The following U2SURP variants were observed in gnomAD, a reference collection of about 807,000 sequenced individuals.
The protein encoded by U2SURP is U2 snRNP associated SURP domain containing, also known as U2 snRNP-associated SURP motif-containing protein.
In U2SURP, 9 loss-of-function variants were observed where a neutral mutation model predicts 144.9. The observed-to-expected ratio is 0.06, with a 90% CI of 0.04 to 0.11. The LOEUF is 0.11. Among genes scored for constraint, U2SURP ranks in the 10% least tolerant of loss-of-function variants. The probability of loss-of-function intolerance (pLI) is 1.00; values close to 1 mark genes in which losing one functional copy is unlikely to be tolerated. For missense variants in U2SURP, 724 were observed against 1,226.7 expected (o/e 0.59, Z 6.12); for synonymous variants, 408 against 396.8 (o/e 1.03, Z -0.33).
intron 6 of U2SURP, 165 bp downstream of exon 6, chr3:143,017,140 T>C (rs1936411901): frequency 1.9e-6 from 1 of 514,686 alleles, no homozygotes; most frequent in East Asian, 3.5e-5. Flanking sequence ...AGATGAGAGT[T>C]AATGAATTGG....
Position 143,033,315 on chromosome 3 carries a change from A to T in U2SURP, c.1818A>T (p.Ser606=), listed in dbSNP as rs77794774. The T allele has an allele frequency of 5.1e-3, 7,896 of 1,543,300 alleles. 369 individuals are homozygous for T. In the African/African-American group the frequency reaches 0.096, roughly 19 times the overall value. The change falls in exon 18 of 28, where the codon TCA becomes TCT. Residue 606 remains serine (S), a synonymous_variant. Transcript: ENST00000473835. ...TTTCTGATGTTTTGTACAACTCTTC[A>T]GCCAAAGTTGCTAATGCTTCATATT... ...YLVSDVLYNS[S]AKVANASYYR...
At chr3:143,027,858 T>C (rs1933246212) in intron 14 of U2SURP, among the ~76,000 whole-genome samples, 1 of 152,192 alleles carries the variant, frequency 6.6e-6, no homozygotes, top group South Asian at 2.1e-4. Flanking sequence ...AGTATTGTTT[T>C]TAGCATTCTC....
chr3:143,054,904 T>C, intron 26 of U2SURP, 39 bp from the exon 27 acceptor site: 4 of 1,524,224 alleles, frequency 2.6e-6, no homozygotes, highest in African/African-American at 2.8e-5. Flanking sequence ...CCCGATCCTT[T>C]GCTCATTTAT....
chr3:143,055,037 T>C lies in U2SURP; in HGVS notation c.2869T>C (p.Ser957Pro). 1.1e-5 allele frequency: 18 copies of C among 1,608,354 alleles called. No individual in the cohort carries two copies. Among genetic ancestry groups the C allele is most frequent in the Non-Finnish European group, 1.5e-5 (18 of 1,177,408 alleles). The change falls in exon 27 of 28, where the codon TCA becomes CCA. Residue 957 changes from serine to proline, a missense_variant. Ser to Pro is a moderately conservative substitution (Grantham distance 74). Around this residue, in one of 13 missense-constraint regions of U2SURP, gnomAD observed 129 missense variants for 196.1 expected, o/e 0.66. Transcript: ENST00000473835. The part of the protein sequence containing the change: ...PSPKSERSER[S>P]ERSHKESSRS... The stretch of plus-strand genomic sequence containing the variant: ...ACCAAAATCGGAGCGATCAGAGCGT[T>C]CAGAAAGATCTCATAAAGAGAGCTC...
At chr3:143,006,911 C>G (rs1051144018) in intron 1 of U2SURP, among the ~76,000 whole-genome samples, 2 of 152,166 alleles carry the variant, frequency 1.3e-5, no homozygotes, top group African/African-American at 4.8e-5. Context: ...GATTAGGAGA[C>G]AGATACACGA....
chr3:143,029,607 C>T (rs759688801), intron 16 of U2SURP, among the ~76,000 whole-genome samples: 1 of 152,114 alleles, frequency 6.6e-6, no homozygotes, highest in Non-Finnish European at 1.5e-5. Context: ...GAAATTAGGC[C>T]AGTTAATAAT....
In U2SURP at chr3:143,056,532, A is replaced by G; in HGVS notation, c.*82A>G. 3.3e-6 allele frequency: 5 copies of G among 1,520,712 alleles called. No individual in the cohort carries two copies. In the South Asian group the frequency reaches 6.4e-5, roughly 20 times the overall value. The allele number at this position is 1,520,712 out of a possible 1,614,324, so 94.2% of individuals were successfully genotyped here. ...CGGTCTGTTTTTTAAAAAAACAAAA[A>G]ATCAAATGAAAGAGCATTCCTGGGG... is the stretch of plus-strand genomic sequence containing the variant. On this transcript the variant is annotated 3_prime_UTR_variant, in exon 28 of 28. Coordinates refer to ENST00000473835, the MANE Select transcript of U2SURP (RefSeq NM_001080415.2).
At chr3:143,004,625 C>CA (rs1179113426) in intron 1 of U2SURP, among the ~76,000 whole-genome samples, 2 of 144,198 alleles carry the variant, frequency 1.4e-5, no homozygotes, top group Non-Finnish European at 1.5e-5. Flanking sequence ...AGGCGTGAGC[C>CA]ACCGTGCCTG....
rs1560196301 is a variant in U2SURP, at chr3:143,038,132, A to AATTC, written c.2246_2247insATTC (p.Asn750PhefsTer3). ...GTGGATGCAACTGAAGACTCAAAAA[A>AATTC]GAATGAGCCTATATTTAAAGTTGCC... On this transcript the variant is annotated frameshift_variant, in exon 22 of 28. Coordinates refer to ENST00000473835, the MANE Select transcript of U2SURP (RefSeq NM_001080415.2). LOFTEE classifies it high-confidence loss of function. The AATTC allele has an allele frequency of 6.2e-7, 1 of 1,606,598 alleles. No homozygotes were observed.
chr3:143,028,835 TGTC>T (rs1933310661), intron 16 of U2SURP, among the ~76,000 whole-genome samples, 189 bp downstream of exon 16: 1 of 152,248 alleles, frequency 6.6e-6, no homozygotes, highest in South Asian at 2.1e-4. Flanking sequence ...TGTGTCCTGT[TGTC>T]CTTGAGTTTT....
At chr3:143,016,542 A>G (rs953662284) in intron 5 of U2SURP, among the ~76,000 whole-genome samples, 171 bp downstream of exon 5, 2 of 152,174 alleles carry the variant, frequency 1.3e-5, no homozygotes, top group Non-Finnish European at 2.9e-5. Flanking sequence ...AATTAGCAAG[A>G]TAAATGGCCA....
chr3:143,039,601 T>C (rs1357817605), intron 23 of U2SURP, among the ~76,000 whole-genome samples: 1 of 15,832 alleles, frequency 6.3e-5, no homozygotes, highest in Non-Finnish European at 1.0e-4. Flanking sequence ...GGAGTTGAAT[T>C]TTTTTTTTTT....
At chr3:143,029,162 A>T (rs999287369) in intron 16 of U2SURP, among the ~76,000 whole-genome samples, 2 of 152,228 alleles carry the variant, frequency 1.3e-5, no homozygotes, top group Non-Finnish European at 2.9e-5. Context: ...AAGCAAAAAC[A>T]TACTTATTAA....
At chr3:143,047,636 T>G (rs1224491471) in intron 24 of U2SURP, among the ~76,000 whole-genome samples, 1 of 24,298 alleles carries the variant, frequency 4.1e-5, no homozygotes, top group African/African-American at 3.0e-4. Context: ...TGACCCCCCC[T>G]CCCGCCTCCC....
intron 2 of U2SURP, among the ~76,000 whole-genome samples, chr3:143,011,135 TTGACTA>T (rs1936104780): frequency 6.6e-6 from 1 of 152,150 alleles, no homozygotes; most frequent in Non-Finnish European, 1.5e-5. Flanking sequence ...TACTTATACT[TTGACTA>T]TGGGATTGCA....
At chr3:143,026,349 C>T (rs777310248) in intron 13 of U2SURP, 4 of 152,054 alleles carry the variant, frequency 2.6e-5, no homozygotes, top group Non-Finnish European at 4.4e-5. Context: ...GGCATCTCAC[C>T]GTGTACCCCA....
At chr3:143,051,472 G>T (rs1053950) in intron 25 of U2SURP, among the ~76,000 whole-genome samples, 102,461 of 151,712 alleles carry the variant, frequency 0.68, 34,796 homozygotes, top group African/African-American at 0.75. Context: ...GACAGCAAGT[G>T]GTAGAATACC....
Position 143,043,127 on chromosome 3 carries a change from G to A in U2SURP, c.2395G>A (p.Glu799Lys). The change falls in exon 24 of 28, where the codon GAA becomes AAA. Residue 799 changes from glutamate (E) to lysine (K), a missense_variant. By Grantham distance (56) the Glu-to-Lys change is moderately conservative. Transcript: ENST00000473835. ...TGCTTGTTTCTAAAGTCAAGAAGAA[G>A]AAAGTGAAGATGAAGAAGATACTCA... is the stretch of plus-strand genomic sequence containing the variant. ...EEEENQNQEE[E>K]SEDEEDTQSS... The A allele has an allele frequency of 6.2e-7, 1 of 1,603,028 alleles. No homozygotes were observed.
rs1333007829 is a variant in U2SURP at position 143,016,382 on chromosome 3, A to G, written c.436+11A>G. ...TTAATGCAGCTAAAGGTAAGTTTAT[A>G]AAGTATAACTGCTAATAAAGCATAA... On this transcript the variant is annotated intron_variant, in intron 5 of 27. Transcript: ENST00000473835. 3 of 1,605,708 alleles carry G rather than the reference A, an allele frequency of 1.9e-6. No homozygotes were observed. Among genetic ancestry groups the G allele is most frequent in the African/African-American group, 1.3e-5 (1 of 74,810 alleles).
Sources: gnomAD v4.1 joint callset for allele counts (sites outside exome capture counted in the v4.1 genomes callset) on GRCh38, gnomAD v4.1.1 for gene constraint, gnomAD v4.1.1 regional missense constraint, MANE v1.5 for transcripts, NCBI Gene and HGNC (gene_info 2026-07-23, HGNC 2026-07-21) for gene names.